FYB1: variants seen among roughly 807,000 people sequenced by gnomAD.
FYB1 encodes FYN-binding protein 1.
Under a neutral mutation model 94.1 loss-of-function variants are expected in FYB1, and 41 were observed. The ratio of observed to expected loss-of-function variants is 0.44; its 90% confidence interval spans 0.34 to 0.57. The LOEUF (loss-of-function observed/expected upper bound fraction) is 0.57, where lower values mean the gene tolerates loss of function less well. Among genes scored for constraint, FYB1 ranks in the 20% least tolerant of loss-of-function variants. The pLI, the probability that FYB1 is intolerant of heterozygous loss-of-function variation, is 0.02. For missense variants in FYB1, 1,050 were observed against 976.8 expected (o/e 1.07, Z -1.00); for synonymous variants, 367 against 353.2 (o/e 1.04, Z -0.44).
intron 1 of FYB1, among the ~76,000 whole-genome samples, chr5:39,249,064 A>G (rs1229483311): frequency 6.6e-6 from 1 of 152,214 alleles, no homozygotes; most frequent in Non-Finnish European, 1.5e-5. Flanking sequence ...TGGTTATGGC[A>G]CTGGGCAGTG....
intron 1 of FYB1, among the ~76,000 whole-genome samples, chr5:39,211,766 T>C (rs769760810): frequency 6.6e-5 from 10 of 152,168 alleles, no homozygotes; most frequent in Non-Finnish European, 1.2e-4. Context: ...TCCCTCAGCC[T>C]TCGTGTCACT....
At chr5:39,149,142 G>C (rs1431119450) in intron 3 of FYB1, among the ~76,000 whole-genome samples, 1 of 152,056 alleles carries the variant, frequency 6.6e-6, no homozygotes, top group Non-Finnish European at 1.5e-5. Context: ...TATAACTTTG[G>C]CCTCAACTAC....
upstream of FYB1, among the ~76,000 whole-genome samples, chr5:39,221,996 C>G (rs1750281917): frequency 6.6e-6 from 1 of 151,666 alleles, no homozygotes; most frequent in Non-Finnish European, 1.5e-5. Flanking sequence ...GAGCAAGACT[C>G]TGTCTCAAAA....
chr5:39,247,158 C>T (rs907640101), intron 1 of FYB1, among the ~76,000 whole-genome samples: 10 of 130,380 alleles, frequency 7.7e-5, no homozygotes, highest in African/African-American at 2.6e-4. Flanking sequence ...TCTTTCTCTC[C>T]TTTCAACTGA....
At chr5:39,243,163 T>G (rs1751298667) in intron 1 of FYB1, among the ~76,000 whole-genome samples, 1 of 152,040 alleles carries the variant, frequency 6.6e-6, no homozygotes, top group African/African-American at 2.4e-5. Context: ...CATTTGTCAA[T>G]TTTGGCTTTT....
chr5:39,230,262 G>A (rs1392520609), intron 1 of FYB1, among the ~76,000 whole-genome samples: 1 of 152,182 alleles, frequency 6.6e-6, no homozygotes, highest in Non-Finnish European at 1.5e-5. Flanking sequence ...TGGCAGGAAG[G>A]CCAGTGTCAG....
chr5:39,185,017 TTTAGTTAACTTTAA>T lies in FYB1; in HGVS notation c.1135+16795_1135+16808del, dbSNP rs575753621. ...TAAGTGAAAACAATTTTGACCCAGC[TTTAGTTAACTTTAA>T]TTTTAGCTTATATGTTATTAGCGTT... On this transcript the variant is annotated intron_variant, in intron 2 of 18. Coordinates refer to ENST00000512982, the MANE Select transcript of FYB1 (RefSeq NM_001465.6). 3.8e-3 allele frequency among the ~76,000 whole-genome samples: 574 copies of T among 152,304 alleles called. 3 individuals are homozygous for T. The highest frequency in any genetic ancestry group is 6.7e-3 in the Admixed American group (103 of 15,292).
chr5:39,197,280 T>C (rs1747919543), intron 2 of FYB1, among the ~76,000 whole-genome samples: 1 of 152,202 alleles, frequency 6.6e-6, no homozygotes, highest in Non-Finnish European at 1.5e-5. Context: ...AGAATCTCAT[T>C]TTTTCTAAAG....
intron 8 of FYB1, 130 bp from the exon 9 acceptor site, chr5:39,134,479 T>C (rs1157486315): frequency 3.5e-6 from 3 of 861,188 alleles, no homozygotes; most frequent in Admixed American, 2.8e-5. Context: ...TTCTGATTTG[T>C]AGACCTCCCA....
chr5:39,119,496 A>AGTGCTTT (rs772645698), intron 15 of FYB1, 39 bp downstream of exon 15: 4 of 1,372,322 alleles, frequency 2.9e-6, no homozygotes, highest in Non-Finnish European at 3.9e-6. Context: ...ATTTTTCAAT[A>AGTGCTTT]GTGCTTTGTA....
At chr5:39,264,890 G>A (rs1227705884) in intron 1 of FYB1, among the ~76,000 whole-genome samples, 1 of 152,094 alleles carries the variant, frequency 6.6e-6, no homozygotes, top group Admixed American at 6.5e-5. Context: ...TTCTATCTCA[G>A]CTCCTCATTT....
intron 1 of FYB1, among the ~76,000 whole-genome samples, chr5:39,240,509 G>C (rs1242663544): frequency 6.6e-6 from 1 of 152,040 alleles, no homozygotes; most frequent in Non-Finnish European, 1.5e-5. Context: ...AGTGGGCAAA[G>C]GACATGAACA....
intron 2 of FYB1, among the ~76,000 whole-genome samples, chr5:39,184,662 T>A (rs1746580419): frequency 6.6e-6 from 1 of 152,214 alleles, no homozygotes; most frequent in African/African-American, 2.4e-5. Context: ...TAATATTCTT[T>A]GTTGAATCAA....
intron 2 of FYB1, among the ~76,000 whole-genome samples, chr5:39,165,495 A>T (rs547121512): frequency 6.2e-4 from 95 of 152,336 alleles, no homozygotes; most frequent in Non-Finnish European, 1.2e-3. Context: ...TTAATGCAAG[A>T]TGGAGTAAAG....
intron 1 of FYB1, among the ~76,000 whole-genome samples, chr5:39,265,213 G>A (rs958118015): frequency 6.6e-6 from 1 of 152,100 alleles, no homozygotes; most frequent in Non-Finnish European, 1.5e-5. Context: ...CAGGTGTGGT[G>A]GCTCACGCCT....
intron 1 of FYB1, among the ~76,000 whole-genome samples, chr5:39,226,490 T>C (rs941588103): frequency 6.6e-6 from 1 of 152,242 alleles, no homozygotes; most frequent in East Asian, 1.9e-4. Context: ...GCATTGCTTT[T>C]GCTTCTCTCA....
At chr5:39,186,413 A>G (rs1746804741) in intron 2 of FYB1, among the ~76,000 whole-genome samples, 1 of 152,106 alleles carries the variant, frequency 6.6e-6, no homozygotes, top group African/African-American at 2.4e-5. Flanking sequence ...ACAGAGTGAG[A>G]CTCCATCTCA....
intron 1 of FYB1, among the ~76,000 whole-genome samples, chr5:39,258,942 C>G (rs1414635144): frequency 6.6e-6 from 1 of 152,100 alleles, no homozygotes; most frequent in Non-Finnish European, 1.5e-5. Flanking sequence ...TAGGGTCACT[C>G]TGTGAAACCA....
upstream of FYB1, among the ~76,000 whole-genome samples, chr5:39,221,684 T>C (rs1187872072): frequency 6.1e-4 from 93 of 152,190 alleles, 1 homozygote; most frequent in Admixed American, 6.1e-3. Flanking sequence ...TGCCAACCTC[T>C]CTCAGATGGC....
Sources: gnomAD v4.1 joint callset for allele counts (sites outside exome capture counted in the v4.1 genomes callset) on GRCh38, gnomAD v4.1.1 for gene constraint, MANE v1.5 for transcripts, NCBI Gene and HGNC (gene_info 2026-07-23, HGNC 2026-07-21) for gene names.